ADCK2: variants seen among roughly 807,000 people sequenced by gnomAD.
ADCK2 encodes aarF domain containing kinase 2, also known as uncharacterized aarF domain-containing protein kinase 2.
In ADCK2, 37 loss-of-function variants were observed where a neutral mutation model predicts 52.3. The observed-to-expected ratio is 0.71, with a 90% CI of 0.54 to 0.93. The LOEUF (loss-of-function observed/expected upper bound fraction) is 0.93, where lower values mean the gene tolerates loss of function less well. Among genes scored for constraint, ADCK2 ranks in the 40% least tolerant of loss-of-function variants. The probability of loss-of-function intolerance (pLI) is 0.00; values close to 1 mark genes in which losing one functional copy is unlikely to be tolerated. For missense variants in ADCK2, 695 were observed against 798.7 expected (o/e 0.87, Z 1.56); for synonymous variants, 321 against 349.2 (o/e 0.92, Z 0.90).
Position 140,690,763 on chromosome 7 carries a change from C to G in ADCK2, c.1690C>G (p.His564Asp), listed in dbSNP as rs1181261291. Reference protein sequence around the residue: ...RKNTITLEKLHVSSLLSSVFK... With the variant: ...RKNTITLEKLDVSSLLSSVFK... ...AGCCTTTATTTTGTTTTTCCAGCTTCATGTGTCCAGCCTTCTCTCTAGTGT... is the reference window on the plus strand; with the variant it reads ...AGCCTTTATTTTGTTTTTCCAGCTTGATGTGTCCAGCCTTCTCTCTAGTGT... Residue 564 changes from histidine (H) to aspartate (D), a missense_variant, in exon 7 of 8, where the codon CAT becomes GAT. Physicochemically the swap from His to Asp is moderately conservative, Grantham distance 81. Transcript: ENST00000072869. 1 of 1,613,428 alleles carries G rather than the reference C, an allele frequency of 6.2e-7. No homozygotes were observed. The highest frequency in any genetic ancestry group is 1.3e-5 in the African/African-American group (1 of 74,714).
In ADCK2 at chr7:140,693,778, T is replaced by A. The variant is rs911823833; in HGVS notation, c.1741-885T>A. 2.0e-5 allele frequency among the ~76,000 whole-genome samples: 3 copies of A among 152,182 alleles called. No homozygotes were observed. Among genetic ancestry groups the A allele is most frequent in the Non-Finnish European group, 4.4e-5 (3 of 68,030 alleles). On this transcript the variant is annotated intron_variant, in intron 7 of 7. Coordinates refer to ENST00000072869, the MANE Select transcript of ADCK2 (RefSeq NM_052853.4). This position sits in a 1 kb window ranked among gnomAD's most constrained non-coding sequence, Gnocchi z 4.0. ...AGGCTGGAGTGCAGTGGAGCCATCC[T>A]GGCTCACTGCAAGCTCTGCCTCCCG...
chr7:140,676,126 A>C (rs1321222817), intron 2 of ADCK2, among the ~76,000 whole-genome samples: 2 of 152,244 alleles, frequency 1.3e-5, no homozygotes, highest in Non-Finnish European at 2.9e-5. Flanking sequence ...CTGGAGGCTG[A>C]AAATTCCAGA....
At position 140,694,727 on chromosome 7, in the gene ADCK2, G is replaced by A. The variant is rs149060142; in HGVS notation, c.1805G>A (p.Arg602His). 1.1e-5 allele frequency: 18 copies of A among 1,613,912 alleles called. No homozygotes were observed. The South Asian group carries it at 1.4e-4, about 13-fold the overall frequency. ...FAIMVLEGLG[R>H]SLDPKLDILE... ...ATCATGGTGTTGGAGGGGCTTGGCC[G>A]CTCACTGGACCCCAAACTGGACATC... The change falls in exon 8 of 8, where the codon CGC (arginine) becomes CAC (histidine). Residue 602 changes from arginine (R) to histidine (H), a missense_variant. Arg to His is a conservative substitution (Grantham distance 29). Transcript: ENST00000072869.
intron 4 of ADCK2, among the ~76,000 whole-genome samples, chr7:140,683,265 C>T (rs1262467896): frequency 6.6e-6 from 1 of 152,136 alleles, no homozygotes; most frequent in Non-Finnish European, 1.5e-5. Flanking sequence ...AGCCTGGCGA[C>T]AGAGCGAGAC....
intron 4 of ADCK2, among the ~76,000 whole-genome samples, chr7:140,683,883 C>A (rs1400439425): frequency 6.6e-6 from 1 of 152,190 alleles, no homozygotes; most frequent in Admixed American, 6.5e-5. Context: ...GAGAAACTTA[C>A]AGGCACAGGG....
rs117751693 is a variant in ADCK2 at position 140,694,515 on chromosome 7, G to A, written c.1741-148G>A. ...TAGGTGAGATGGTTGGGGAGATGAC[G>A]CGGTAGAGAAGAGAATGTCAGGTAG... On this transcript the variant is annotated intron_variant, in intron 7 of 7. Coordinates refer to ENST00000072869, the MANE Select transcript of ADCK2 (RefSeq NM_052853.4). The A allele has an allele frequency of 3.8e-3, 2,762 of 724,628 alleles. 6 individuals are homozygous for A. Among genetic ancestry groups the A allele is most frequent in the Non-Finnish European group, 5.5e-3 (2,480 of 450,608 alleles). The allele number at this position is 724,628 out of a possible 1,614,324, so 44.9% of individuals were successfully genotyped here.
intron 4 of ADCK2, among the ~76,000 whole-genome samples, chr7:140,683,960 C>G (rs1310285645): frequency 6.6e-6 from 1 of 152,164 alleles, no homozygotes; most frequent in East Asian, 1.9e-4. Flanking sequence ...CCATTGTTCT[C>G]TGCTGGGAGT....
In ADCK2 at chr7:140,674,161, C is replaced by T. The variant is rs1801691394; in HGVS notation, c.831C>T (p.Leu277=). The T allele has an allele frequency of 1.2e-6, 2 of 1,614,084 alleles. No individual in the cohort carries two copies. The highest frequency in any genetic ancestry group is 3.3e-5 in the Admixed American group (2 of 60,024). Residue 277 remains leucine (L), a synonymous_variant, in exon 1 of 8, where the codon CTC becomes CTT. Coordinates refer to ENST00000072869, the MANE Select transcript of ADCK2 (RefSeq NM_052853.4). The surrounding 1 kb of genome is among the most constrained non-coding windows in gnomAD (Gnocchi z 4.6). The part of the protein sequence containing the change: ...LADQSFLERL[L]LPKADLVGSN... ...ACCAGTCGTTTCTAGAAAGGCTGCT[C>T]CTCCCTAAAGCTGACCTGGTTGGAT...
chr7:140,679,665 T>C (rs1471249987), intron 3 of ADCK2, among the ~76,000 whole-genome samples: 10 of 125,024 alleles, frequency 8.0e-5, no homozygotes, highest in Non-Finnish European at 1.0e-4. Context: ...TCTCTCTCTT[T>C]TTTTTTTTTT....
chr7:140,691,782 G>A (rs1376573969), intron 7 of ADCK2, among the ~76,000 whole-genome samples: 2 of 152,214 alleles, frequency 1.3e-5, no homozygotes, highest in Non-Finnish European at 2.9e-5. Context: ...TATCCCCTCA[G>A]TCTTCCAAGA....
At chr7:140,685,120 G>C (rs192252358) in intron 4 of ADCK2, among the ~76,000 whole-genome samples, 118 of 152,104 alleles carry the variant, frequency 7.8e-4, no homozygotes, top group African/African-American at 2.7e-3. Context: ...ATTCAATAAA[G>C]TGCATAGATC....
intron 4 of ADCK2, among the ~76,000 whole-genome samples, chr7:140,682,998 CAA>C (rs34792260): frequency 0.038 from 2,083 of 54,686 alleles, 6 homozygotes; most frequent in Middle Eastern, 0.081. Context: ...GACTCTGTCT[CAA>C]AAAAAAAAAA....
intron 7 of ADCK2, among the ~76,000 whole-genome samples, chr7:140,692,767 A>G (rs1414809465): frequency 6.6e-6 from 1 of 152,250 alleles, no homozygotes; most frequent in African/African-American, 2.4e-5. Context: ...TCAAGATCCT[A>G]CTTTCAAATT....
Position 140,678,852 on chromosome 7 carries a change from G to T in ADCK2, c.1081-303G>T, listed in dbSNP as rs1794467753. On this transcript the variant is annotated intron_variant, in intron 2 of 7. Transcript: ENST00000072869. This position sits in a 1 kb window ranked among gnomAD's most constrained non-coding sequence, Gnocchi z 4.9. ...CCAGACCCCAGGGAGACGGGGAAGG[G>T]ACTCATGGGCTGGTGTGAGGCAGGC... 1.3e-5 allele frequency among the ~76,000 whole-genome samples: 2 copies of T among 152,208 alleles called. No individual in the cohort carries two copies. The highest frequency in any genetic ancestry group is 4.1e-4 in the South Asian group (2 of 4,830).
intron 7 of ADCK2, among the ~76,000 whole-genome samples, chr7:140,691,816 C>T (rs1007047096): frequency 9.2e-5 from 13 of 141,286 alleles, no homozygotes; most frequent in Non-Finnish European, 1.4e-4. Flanking sequence ...GCCGAGAGGC[C>T]GAGCAGCTCA....
chr7:140,688,520 G>A (rs545736471), intron 5 of ADCK2, among the ~76,000 whole-genome samples: 18 of 152,348 alleles, frequency 1.2e-4, no homozygotes, highest in Middle Eastern at 3.4e-3. Context: ...AGTTCTGAGT[G>A]GCAGATGGTT....
At chr7:140,687,686 C>G (rs141114221) in intron 5 of ADCK2, among the ~76,000 whole-genome samples, 7,854 of 151,466 alleles carry the variant, frequency 0.052, 241 homozygotes, top group Non-Finnish European at 0.069. Flanking sequence ...TTCACTCCAG[C>G]CTGGGTGAAA....
rs535462931 is a variant in ADCK2 at position 140,678,471 on chromosome 7, C to T, written c.1081-684C>T. Reference sequence around the variant, plus strand: ...TTGGTGGCTGTCAAGGGGACACACACGCTCACTTCGGTCAGGAGAAAGGAC... The same window carrying T: ...TTGGTGGCTGTCAAGGGGACACACATGCTCACTTCGGTCAGGAGAAAGGAC... On this transcript the variant is annotated intron_variant, in intron 2 of 7. Coordinates refer to ENST00000072869, the MANE Select transcript of ADCK2 (RefSeq NM_052853.4). This position sits in a 1 kb window ranked among gnomAD's most constrained non-coding sequence, Gnocchi z 4.9. 2.8e-4 allele frequency among the ~76,000 whole-genome samples: 43 copies of T among 152,188 alleles called. No individual in the cohort carries two copies. Among genetic ancestry groups the T allele is most frequent in the East Asian group, 1.7e-3 (9 of 5,158 alleles).
Position 140,679,211 on chromosome 7 carries a change from T to C in ADCK2, c.1137T>C (p.Asn379=). ...NLEHFQVNFR[N]VKAVKFPTPL... is the part of the protein sequence containing the mutation. ...AACACTTCCAGGTCAACTTCCGGAA[T>C]GTGAAAGCCGTCAAGTTCCCCACCC... The change falls in exon 3 of 8, where the codon AAT becomes AAC. Residue 379 remains asparagine (N), a synonymous_variant. Coordinates refer to ENST00000072869, the MANE Select transcript of ADCK2 (RefSeq NM_052853.4). 6.2e-7 allele frequency: 1 copy of C among 1,614,110 alleles called. No individual in the cohort carries two copies. Among genetic ancestry groups the C allele is most frequent in the Non-Finnish European group, 8.5e-7 (1 of 1,180,006 alleles).
Sources: gnomAD v4.1 joint callset for allele counts (sites outside exome capture counted in the v4.1 genomes callset) on GRCh38, gnomAD v4.1.1 for gene constraint, Gnocchi (gnomAD v3.1) non-coding constraint, MANE v1.5 for transcripts, NCBI Gene and HGNC (gene_info 2026-07-23, HGNC 2026-07-21) for gene names.